The following FTO variants were observed in gnomAD, a reference collection of about 807,000 sequenced individuals.
FTO encodes FTO alpha-ketoglutarate dependent dioxygenase.
Under a neutral mutation model 63.9 loss-of-function variants are expected in FTO, and 47 were observed. The ratio of observed to expected loss-of-function variants is 0.74; its 90% CI spans 0.58 to 0.94. FTO has a LOEUF of 0.94. FTO is among the 40% of genes least tolerant of loss of function. The pLI, the probability that FTO is intolerant of heterozygous loss-of-function variation, is 0.00. For missense variants in FTO, 562 were observed against 618.1 expected, an observed-to-expected ratio of 0.91 and a Z score of 0.96; for synonymous variants, 207 against 224.4, an observed-to-expected ratio of 0.92 and a Z score of 0.69.
intron 3 of FTO, among the ~76,000 whole-genome samples, chr16:53,827,375 A>G (rs1011437184): frequency 6.6e-6 from 1 of 152,218 alleles, no homozygotes; most frequent in Non-Finnish European, 1.5e-5. Flanking sequence ...GATACAAGAC[A>G]TAGTATTAGC....
At chr16:54,003,015 C>T (rs1299248460) in intron 8 of FTO, among the ~76,000 whole-genome samples, 1 of 152,152 alleles carries the variant, frequency 6.6e-6, no homozygotes, top group East Asian at 1.9e-4. Context: ...TGTACTGGGT[C>T]CTTGGGGAAA....
At chr16:54,079,437 A>G (rs984034800) in intron 8 of FTO, among the ~76,000 whole-genome samples, 2 of 152,222 alleles carry the variant, frequency 1.3e-5, no homozygotes, top group African/African-American at 2.4e-5. Flanking sequence ...GAGTTAGGGA[A>G]TAGAAACAAA....
chr16:53,711,042 T>A (rs889218634), intron 1 of FTO, among the ~76,000 whole-genome samples: 1 of 150,808 alleles, frequency 6.6e-6, no homozygotes, highest in African/African-American at 2.4e-5. Context: ...AGATATTATA[T>A]AGCACATAAA....
In FTO at chr16:53,935,501, C is replaced by G. The variant is rs535076136; in HGVS notation, c.1364+1392C>G. The stretch of plus-strand genomic sequence containing the variant: ...TTAAAAATTCCCAATGATATTCACC[C>G]TCCCCTTCCCCCATCTTTTTGGTGG... On this transcript the variant is annotated intron_variant, in intron 8 of 8. Transcript: ENST00000471389. 6 of 152,280 alleles carry G rather than the reference C, an allele frequency of 3.9e-5. No homozygotes were observed. The East Asian group carries it at 1.2e-3, about 29-fold the overall frequency. 9.4% of individuals were successfully genotyped at this position (152,280 alleles called of 1,614,324 possible). A position where few individuals can be genotyped will look rare whatever the true frequency, so the allele number is the denominator to read the frequency against.
chr16:53,802,899 G>A (rs140380106), intron 1 of FTO, among the ~76,000 whole-genome samples: 154 of 152,176 alleles, frequency 1.0e-3, no homozygotes, highest in South Asian at 8.3e-4. Flanking sequence ...TTGATTTAAC[G>A]TTATTTCTGT....
intron 1 of FTO, among the ~76,000 whole-genome samples, chr16:53,741,085 G>A (rs1372781535): frequency 6.6e-6 from 1 of 152,142 alleles, no homozygotes; most frequent in Non-Finnish European, 1.5e-5. Context: ...AAATTGATAT[G>A]AAATTTAAAA....
intron 7 of FTO, among the ~76,000 whole-genome samples, chr16:53,932,670 A>G (rs1350362889): frequency 1.3e-5 from 2 of 152,154 alleles, no homozygotes; most frequent in Non-Finnish European, 2.9e-5. Flanking sequence ...GATTACAGGC[A>G]TGAACCACTG....
In FTO at chr16:54,120,117, C is replaced by G. The variant is rs1410515573; in HGVS notation, c.*8202C>G. ...AGAAATTGTTCTGAAAGCATGAAGCCCAGCTGAGGCCAAAATCAAAGTGAA... is the reference window on the plus strand; with the variant it reads ...AGAAATTGTTCTGAAAGCATGAAGCGCAGCTGAGGCCAAAATCAAAGTGAA... On this transcript the variant is annotated 3_prime_UTR_variant, in exon 9 of 9. Transcript: ENST00000471389. 6.6e-6 allele frequency: 1 copy of G among 152,200 alleles called. No homozygotes were observed. Among genetic ancestry groups the G allele is most frequent in the Non-Finnish European group, 1.5e-5 (1 of 68,052 alleles). 9.4% of individuals were successfully genotyped at this position (152,200 alleles called of 1,614,324 possible).
At chr16:54,081,057 A>G (rs1436902211) in intron 8 of FTO, among the ~76,000 whole-genome samples, 2 of 152,158 alleles carry the variant, frequency 1.3e-5, no homozygotes, top group Non-Finnish European at 2.9e-5. Context: ...CTTTATGCCT[A>G]AAAAGGAGTT....
chr16:53,844,260 C>A lies in FTO; in HGVS notation c.857C>A (p.Ala286Glu). 1 of 1,613,148 alleles carries A rather than the reference C, an allele frequency of 6.2e-7. No individual in the cohort carries two copies. Reference protein sequence around the residue: ...ISWDIETPGLAIPLHQGDCYF... With the variant: ...ISWDIETPGLEIPLHQGDCYF... ...TGGGACATAGAGACACCTGGTTTGG[C>A]GATACCCCTTCACCAAGGAGACTGC... Residue 286 changes from alanine (A) to glutamate (E), a missense_variant, in exon 4 of 9, where the codon GCG (alanine) becomes GAG (glutamate). By Grantham distance (107) the Ala-to-Glu change is moderately radical. Transcript: ENST00000471389.
intron 6 of FTO, among the ~76,000 whole-genome samples, chr16:53,880,517 A>G (rs77432882): frequency 0.017 from 2,623 of 152,240 alleles, 66 homozygotes; most frequent in African/African-American, 0.053. Context: ...TGCATAAACC[A>G]AGTTGCTTCT....
intron 1 of FTO, among the ~76,000 whole-genome samples, chr16:53,722,653 C>A (rs1224293991): frequency 6.6e-6 from 1 of 151,842 alleles, no homozygotes; most frequent in Non-Finnish European, 1.5e-5. Context: ...ATGGTGAAAC[C>A]CCGTCTCTAC....
chr16:54,053,775 C>A (rs1042863079), intron 8 of FTO, among the ~76,000 whole-genome samples: 1 of 152,110 alleles, frequency 6.6e-6, no homozygotes, highest in African/African-American at 2.4e-5. Context: ...CCCCTGCCTT[C>A]GAGAAACAGT....
chr16:53,937,216 A>G, intron 8 of FTO: 1 of 398,540 alleles, frequency 2.5e-6, no homozygotes, highest in Non-Finnish European at 4.4e-6. Context: ...CTCTCCAAAT[A>G]GGCTTATTAG....
intron 8 of FTO, among the ~76,000 whole-genome samples, chr16:53,967,313 G>T (rs1346544733): frequency 6.6e-6 from 1 of 151,902 alleles, no homozygotes; most frequent in African/African-American, 2.4e-5. Flanking sequence ...AAGGGCCAGC[G>T]TTTGTTGCCT....
chr16:53,841,104 A>G (rs2111115), intron 3 of FTO, among the ~76,000 whole-genome samples: 50,766 of 108,966 alleles, frequency 0.47, 15,761 homozygotes, highest in East Asian at 0.89. Flanking sequence ...CAACTATCTA[A>G]TGCTGGTGCT....
At chr16:53,925,042 CTTTT>C (rs1187845464) in intron 7 of FTO, among the ~76,000 whole-genome samples, 2 of 137,890 alleles carry the variant, frequency 1.5e-5, no homozygotes, top group Non-Finnish European at 3.1e-5. Flanking sequence ...TGCCTTTCTT[CTTTT>C]TTTTCTTTCT....
At chr16:53,955,600 CA>C (rs2082910733) in intron 8 of FTO, among the ~76,000 whole-genome samples, 1 of 152,110 alleles carries the variant, frequency 6.6e-6, no homozygotes, top group South Asian at 2.1e-4. Flanking sequence ...AACATAAATC[CA>C]AATTCTATTT....
At chr16:53,904,600 G>A (rs1414673719) in intron 7 of FTO, among the ~76,000 whole-genome samples, 1 of 152,096 alleles carries the variant, frequency 6.6e-6, no homozygotes, top group Non-Finnish European at 1.5e-5. Flanking sequence ...GGATGTAGGT[G>A]GCCCTTTATG....
Sources: allele counts gnomAD v4.1 joint callset (sites outside exome capture counted in the v4.1 genomes callset), GRCh38; gene constraint gnomAD v4.1.1; transcripts MANE v1.5; gene names NCBI Gene and HGNC (gene_info 2026-07-23, HGNC 2026-07-21).